The following ACYP2 variants were observed in gnomAD, a reference collection of about 807,000 sequenced individuals.
The protein encoded by ACYP2 is acylphosphatase 2.
Under a neutral mutation model 11.2 loss-of-function variants are expected in ACYP2, and 12 were observed. That is an observed-to-expected ratio of 1.08 (90% CI 0.69 to 1.74). The LOEUF is 1.74. Ranked by LOEUF, ACYP2 falls within the 40% of genes most tolerant of loss-of-function variation. ACYP2 has a pLI of 0.00. For missense variants in ACYP2, 134 were observed against 101.9 expected (o/e 1.31, Z -1.35); for synonymous variants, 43 against 32.2 (o/e 1.33, Z -1.13).
intron 6 of ACYP2, chr2:54,167,145 C>T (rs1683016531): frequency 6.6e-6 from 1 of 152,070 alleles, no homozygotes; most frequent in Admixed American, 6.6e-5. Context: ...ACAAAAAAAG[C>T]ACCCAGTGTA....
intron 2 of ACYP2, among the ~76,000 whole-genome samples, chr2:54,031,881 G>A (rs1189594696): frequency 1.1e-4 from 17 of 152,294 alleles, no homozygotes; most frequent in Admixed American, 1.1e-3. Flanking sequence ...GGCCAGTGAC[G>A]ATGAGCATTT....
intron 2 of ACYP2, among the ~76,000 whole-genome samples, chr2:53,981,716 G>GGTAA (rs1296752712): frequency 1.3e-5 from 2 of 152,000 alleles, no homozygotes; most frequent in African/African-American, 4.8e-5. Context: ...ATCAGCCTTA[G>GGTAA]GTTACCTGCC....
chr2:54,074,183 A>G (rs901544315), intron 4 of ACYP2, among the ~76,000 whole-genome samples: 1 of 152,146 alleles, frequency 6.6e-6, no homozygotes, highest in Non-Finnish European at 1.5e-5. Flanking sequence ...TCTACAAAAA[A>G]TATTTTTCAA....
intron 2 of ACYP2, among the ~76,000 whole-genome samples, chr2:54,049,079 G>A: frequency 6.6e-6 from 1 of 152,084 alleles, no homozygotes; most frequent in Non-Finnish European, 1.5e-5. Flanking sequence ...TGGGAAACGT[G>A]GTGAAACCCT....
chr2:54,062,350 A>G (rs1676514963), intron 4 of ACYP2, among the ~76,000 whole-genome samples: 1 of 152,202 alleles, frequency 6.6e-6, no homozygotes. Flanking sequence ...TTTATCTGGT[A>G]GATTATTTTG....
chr2:54,220,855 ACT>A (rs977699942), intron 6 of ACYP2, among the ~76,000 whole-genome samples: 1 of 152,104 alleles, frequency 6.6e-6, no homozygotes, highest in African/African-American at 2.4e-5. Flanking sequence ...TATGAATTTG[ACT>A]CTATGTAAAA....
chr2:54,050,884 C>T (rs932002917), intron 2 of ACYP2: 2 of 386,820 alleles, frequency 5.2e-6, no homozygotes, highest in Non-Finnish European at 9.1e-6. Context: ...AAGCAATCCT[C>T]CTGCCTCAGC....
At chr2:54,030,461 T>C (rs755258410) in intron 2 of ACYP2, 25 of 160,172 alleles carry the variant, frequency 1.6e-4, no homozygotes, top group Non-Finnish European at 3.4e-4. Flanking sequence ...TTTAACTATT[T>C]GCTCAATGTT....
At chr2:54,275,497 AT>A (rs1688516020) in intron 6 of ACYP2, among the ~76,000 whole-genome samples, 1 of 152,198 alleles carries the variant, frequency 6.6e-6, no homozygotes, top group Non-Finnish European at 1.5e-5. Context: ...AGCTTCCAGT[AT>A]TAGGTCAGGA....
At chr2:54,031,282 C>G (rs145773156) in intron 2 of ACYP2, among the ~76,000 whole-genome samples, 2 of 120,604 alleles carry the variant, frequency 1.7e-5, no homozygotes, top group African/African-American at 6.5e-5. Context: ...CCCCTCCCCC[C>G]ACCCCACATC....
intron 6 of ACYP2, among the ~76,000 whole-genome samples, chr2:54,232,648 G>T (rs771483218): frequency 2.0e-5 from 3 of 152,128 alleles, no homozygotes; most frequent in Non-Finnish European, 4.4e-5. Context: ...AATTAAAGAG[G>T]TTTAATTGAC....
chr2:54,135,750 C>T (rs1681190364), intron 5 of ACYP2, among the ~76,000 whole-genome samples: 1 of 152,154 alleles, frequency 6.6e-6, no homozygotes, highest in African/African-American at 2.4e-5. Context: ...GTATTGAATA[C>T]AAAGTATGGG....
At chr2:54,238,563 T>G (rs888101109) in intron 6 of ACYP2, among the ~76,000 whole-genome samples, 25 of 152,294 alleles carry the variant, frequency 1.6e-4, no homozygotes, top group Middle Eastern at 3.4e-3. Flanking sequence ...TTTCTGTTCA[T>G]CAATGTTACC....
At position 54,297,651 on chromosome 2, in the gene ACYP2, A is replaced by C. The variant is rs1689572647; in HGVS notation, c.405-7037A>C. On this transcript the variant is annotated intron_variant, in intron 6 of 6. Transcript: ENST00000607452. ...AAAAAGAGAAACTATTATACTACTAAAGGAGTTCAGTAAGGCATCTGATTA... is the reference window on the plus strand; with the variant it reads ...AAAAAGAGAAACTATTATACTACTACAGGAGTTCAGTAAGGCATCTGATTA... 2.0e-5 allele frequency among the ~76,000 whole-genome samples: 3 copies of C among 152,306 alleles called. No individual in the cohort carries two copies. In the South Asian group the frequency reaches 6.2e-4, roughly 32 times the overall value.
rs138812389 is a variant in ACYP2, at chr2:54,266,590, C to CTTTTT, written c.405-38069_405-38065dup. On this transcript the variant is annotated intron_variant, in intron 6 of 6. Transcript: ENST00000607452. ...TAGATAGATATAGATATCTATCTATCTTTTTTTTTTTTTTTTTTTTTTTTT... is the reference window on the plus strand; with the variant it reads ...TAGATAGATATAGATATCTATCTATCTTTTTTTTTTTTTTTTTTTTTTTTTTTTTT... Among the ~76,000 whole-genome samples, 51 of 52,268 alleles carry CTTTTT rather than the reference C, an allele frequency of 9.8e-4. 4 individuals carry two copies. Among genetic ancestry groups the CTTTTT allele is most frequent in the East Asian group, 3.5e-3 (5 of 1,430 alleles). 34.3% of individuals were successfully genotyped at this position (52,268 alleles called of 152,430 possible).
chr2:53,987,303 A>G lies in ACYP2; in HGVS notation c.62+13493A>G, dbSNP rs145597713. Among the ~76,000 whole-genome samples the G allele has an allele frequency of 8.6e-5, 13 of 152,020 alleles. No homozygotes were observed. The East Asian group carries it at 1.7e-3, about 20-fold the overall frequency. Reference sequence around the variant, plus strand: ...TTAAAATTCATTGAGCTGTACATTTATGATACATATCTTTTTATAGATGTG... The same window carrying G: ...TTAAAATTCATTGAGCTGTACATTTGTGATACATATCTTTTTATAGATGTG... On this transcript the variant is annotated intron_variant, in intron 2 of 6. Transcript: ENST00000607452.
intron 6 of ACYP2, among the ~76,000 whole-genome samples, chr2:54,235,777 T>A (rs1572972829): frequency 6.6e-6 from 1 of 152,202 alleles, no homozygotes; most frequent in South Asian, 2.1e-4. Context: ...GACTTTTTAA[T>A]TGACTGTATG....
intron 2 of ACYP2, among the ~76,000 whole-genome samples, chr2:54,045,062 T>C (rs1402042943): frequency 6.6e-6 from 1 of 152,212 alleles, no homozygotes; most frequent in East Asian, 1.9e-4. Context: ...TTGAACATTA[T>C]AAAATGTTAA....
chr2:54,105,867 T>C (rs570976429), intron 4 of ACYP2, among the ~76,000 whole-genome samples: 2 of 152,068 alleles, frequency 1.3e-5, no homozygotes, highest in South Asian at 4.2e-4. Flanking sequence ...AGTAAACATC[T>C]GTTGAATGAG....
Sources: allele counts gnomAD v4.1 joint callset (sites outside exome capture counted in the v4.1 genomes callset), GRCh38; gene constraint gnomAD v4.1.1; transcripts MANE v1.5; gene names NCBI Gene and HGNC (gene_info 2026-07-23, HGNC 2026-07-21).